The following SLX4IP variants were observed in gnomAD, a reference collection of about 807,000 sequenced individuals.
The protein encoded by SLX4IP is SLX4 interacting protein.
A neutral mutation model predicts 32.9 loss-of-function variants in SLX4IP; 34 were observed. The observed-to-expected ratio is 1.03, with a 90% CI of 0.79 to 1.38. SLX4IP has a LOEUF of 1.38. SLX4IP is among the 40% of genes most tolerant of loss of function. The pLI is 0.00. For missense variants in SLX4IP, 444 were observed against 479.0 expected, an observed-to-expected ratio of 0.93 and a Z score of 0.68; for synonymous variants, 172 against 171.7, an observed-to-expected ratio of 1.00 and a Z score of -0.01.
chr20:10,451,409 G>A (rs971366790), intron 1 of SLX4IP, among the ~76,000 whole-genome samples: 10 of 151,634 alleles, frequency 6.6e-5, no homozygotes, highest in Admixed American at 6.6e-4. Flanking sequence ...ATCCACGTGC[G>A]TTGGCCTCCC....
At chr20:10,601,898 T>C (rs1568765653) in intron 6 of SLX4IP, 79 bp downstream of exon 6, 21 of 1,278,972 alleles carry the variant, frequency 1.6e-5, no homozygotes, top group Non-Finnish European at 2.3e-5. Context: ...ACAAGAATTG[T>C]CTGCTGTTGT....
intron 2 of SLX4IP, among the ~76,000 whole-genome samples, chr20:10,467,561 A>G (rs1460877466): frequency 6.6e-6 from 1 of 152,254 alleles, no homozygotes; most frequent in Non-Finnish European, 1.5e-5. Flanking sequence ...TTAAAGACAT[A>G]CAGGGTCAAT....
intron 2 of SLX4IP, among the ~76,000 whole-genome samples, chr20:10,516,522 G>A (rs626619): frequency 0.57 from 87,018 of 151,820 alleles, 25,548 homozygotes; most frequent in South Asian, 0.72. Flanking sequence ...ACTGAGGAAT[G>A]AGCATTCTGC....
intron 2 of SLX4IP, among the ~76,000 whole-genome samples, chr20:10,476,139 T>TCG (rs888711621): frequency 4.4e-5 from 4 of 90,972 alleles, no homozygotes; most frequent in African/African-American, 7.6e-5. Flanking sequence ...TTCACATCCC[T>TCG]CACTGTGTGT....
chr20:10,509,634 C>T (rs1311031279), intron 2 of SLX4IP, among the ~76,000 whole-genome samples: 1 of 152,022 alleles, frequency 6.6e-6, no homozygotes, highest in East Asian at 1.9e-4. Context: ...ATGTTCATTG[C>T]AGCATTGTTT....
intron 5 of SLX4IP, among the ~76,000 whole-genome samples, chr20:10,601,347 A>G (rs1568764888): frequency 6.6e-6 from 1 of 152,156 alleles, no homozygotes; most frequent in Non-Finnish European, 1.5e-5. Flanking sequence ...TTTAGATTTT[A>G]TCTAATATTC....
chr20:10,500,562 G>A (rs2065709386), intron 2 of SLX4IP, among the ~76,000 whole-genome samples: 1 of 152,002 alleles, frequency 6.6e-6, no homozygotes, highest in South Asian at 2.1e-4. Context: ...ACCAGCCTGG[G>A]CAACATAGCA....
At chr20:10,622,527 T>C (rs1483218406) in intron 7 of SLX4IP, 132 bp from the exon 8 acceptor site, 2 of 1,300,158 alleles carry the variant, frequency 1.5e-6, no homozygotes, top group Non-Finnish European at 2.1e-6. Flanking sequence ...TGTTTCCAGA[T>C]TTGCTGGGGA....
At chr20:10,503,078 A>G (rs1434643335) in intron 2 of SLX4IP, among the ~76,000 whole-genome samples, 3 of 151,988 alleles carry the variant, frequency 2.0e-5, no homozygotes, top group East Asian at 4.0e-4. Context: ...CACCTCCAGC[A>G]TTGATACAAC....
At chr20:10,518,404 T>TTTCTTTCCTTCCTTCC (rs369072091) in intron 2 of SLX4IP, among the ~76,000 whole-genome samples, 5 of 92,426 alleles carry the variant, frequency 5.4e-5, no homozygotes, top group African/African-American at 2.3e-4. Context: ...TCTTTCTTTC[T>TTTCTTTCCTTCCTTCC]TTCCTTCCTT....
intron 2 of SLX4IP, among the ~76,000 whole-genome samples, chr20:10,550,494 C>T (rs1970941210): frequency 6.6e-6 from 1 of 152,118 alleles, no homozygotes; most frequent in African/African-American, 2.4e-5. Flanking sequence ...TGCCCCTTCC[C>T]CTTCACCTCG....
In SLX4IP at chr20:10,484,079, T is replaced by C. The variant is rs73604311; in HGVS notation, c.27+25848T>C. Among the ~76,000 whole-genome samples, 66 of 152,304 alleles carry C rather than the reference T, an allele frequency of 4.3e-4. 1 individual carries two copies. In the East Asian group the frequency reaches 0.012, roughly 28 times the overall value. ...ATAAAAATATACACATTTACTCCTA[T>C]ATTCAGATCTTCATTTCCTTAGGAA... On this transcript the variant is annotated intron_variant, in intron 2 of 7. Transcript: ENST00000334534.
intron 2 of SLX4IP, among the ~76,000 whole-genome samples, chr20:10,517,076 C>T (rs1006960878): frequency 1.3e-5 from 2 of 152,224 alleles, no homozygotes; most frequent in Non-Finnish European, 2.9e-5. Context: ...GATCATTTTA[C>T]ATTGTCAAGC....
intron 2 of SLX4IP, among the ~76,000 whole-genome samples, chr20:10,490,587 C>G (rs2065614288): frequency 6.6e-6 from 1 of 152,022 alleles, no homozygotes; most frequent in South Asian, 2.1e-4. Flanking sequence ...TTTGGGTAAC[C>G]TATTGTTTTG....
Position 10,621,404 on chromosome 20 carries a change from C to A in SLX4IP, c.496C>A (p.Leu166Met). Residue 166 changes from leucine to methionine, a missense_variant, in exon 7 of 8, where the codon CTG becomes ATG. Leu to Met is a conservative substitution (Grantham distance 15, BLOSUM62 2). Coordinates refer to ENST00000334534, the MANE Select transcript of SLX4IP (RefSeq NM_001009608.3). Reference sequence around the variant, plus strand: ...CAGTGCAAAGCTCCGGAGAAATGCTCTGAAAGAAATGTAGGTGCAATGTGT... The same window carrying A: ...CAGTGCAAAGCTCCGGAGAAATGCTATGAAAGAAATGTAGGTGCAATGTGT... ...PPSAKLRRNA[L>M]KEIVKRTETK... The A allele has an allele frequency of 6.2e-7, 1 of 1,614,092 alleles. No individual in the cohort carries two copies. Among genetic ancestry groups the A allele is most frequent in the Non-Finnish European group, 8.5e-7 (1 of 1,179,972 alleles).
intron 1 of SLX4IP, among the ~76,000 whole-genome samples, chr20:10,447,785 T>G (rs1281190707): frequency 6.6e-6 from 1 of 151,918 alleles, no homozygotes; most frequent in Non-Finnish European, 1.5e-5. Context: ...ACTGCAGCCT[T>G]GAACTCCTGG....
chr20:10,583,852 ACT>A (rs770786049), intron 4 of SLX4IP, among the ~76,000 whole-genome samples: 46 of 152,280 alleles, frequency 3.0e-4, no homozygotes, highest in Non-Finnish European at 5.0e-4. Context: ...AATTTAAAAG[ACT>A]CTTTTACGTA....
chr20:10,535,293 G>A (rs1568728464), intron 2 of SLX4IP, among the ~76,000 whole-genome samples: 1 of 152,130 alleles, frequency 6.6e-6, no homozygotes, highest in Non-Finnish European at 1.5e-5. Flanking sequence ...CAAAACAGGA[G>A]GAGGGAGCAG....
At chr20:10,616,769 A>G (rs1170736367) in intron 6 of SLX4IP, among the ~76,000 whole-genome samples, 1 of 152,120 alleles carries the variant, frequency 6.6e-6, no homozygotes, top group African/African-American at 2.4e-5. Flanking sequence ...CATATCTAAC[A>G]TAGCACCCCA....
Sources: allele counts gnomAD v4.1 joint callset (sites outside exome capture counted in the v4.1 genomes callset), GRCh38; gene constraint gnomAD v4.1.1; transcripts MANE v1.5; gene names NCBI Gene and HGNC (gene_info 2026-07-23, HGNC 2026-07-21).